The following SLC33A2 variants were observed in gnomAD, a reference collection of about 807,000 sequenced individuals.
The protein encoded by SLC33A2 is solute carrier family 33 member 2.
the SLC33A2 span, chr8:144,509,735 G>A: frequency 6.4e-7 from 1 of 1,568,334 alleles, no homozygotes. Context: ...AACTGGGGCC[G>A]GGCAATACCG....
chr8:144,510,227 C>T, the SLC33A2 span: 5 of 1,426,944 alleles, frequency 3.5e-6, no homozygotes, highest in African/African-American at 4.2e-5. Context: ...CTCGGGCTGC[C>T]CCACTTCTCC....
At chr8:144,509,376 C>T in the SLC33A2 span, 1 of 1,518,294 alleles carries the variant, frequency 6.6e-7, no homozygotes, top group Non-Finnish European at 8.8e-7. Context: ...CTACCTGGTG[C>T]AGGGCCTGCC....
the SLC33A2 span, chr8:144,509,590 G>A: frequency 2.0e-6 from 3 of 1,537,068 alleles, no homozygotes; most frequent in Non-Finnish European, 2.6e-6. Flanking sequence ...CTGCTTGCCG[G>A]GCTGCCCCCT....
At chr8:144,510,965 T>C in the SLC33A2 span, 2 of 1,599,408 alleles carry the variant, frequency 1.3e-6, no homozygotes, top group Non-Finnish European at 1.7e-6. Context: ...GGGCCTGACC[T>C]TGACCGTGAC....
the SLC33A2 span, chr8:144,510,644 G>C: frequency 6.4e-7 from 1 of 1,561,138 alleles, no homozygotes; most frequent in Middle Eastern, 1.7e-4. Flanking sequence ...CCGCCTCGGG[G>C]GCCTAGCCTG....
chr8:144,509,703 G>C, the SLC33A2 span: 3 of 1,566,754 alleles, frequency 1.9e-6, no homozygotes, highest in Non-Finnish European at 2.6e-6. Context: ...CGCGCTGGCT[G>C]TGCAGCTGCT....
chr8:144,510,746 AAG>A, the SLC33A2 span: 1 of 1,603,590 alleles, frequency 6.2e-7, no homozygotes. Context: ...CTTGAGGAGG[AAG>A]AGAGGGGCCA....
chr8:144,510,032 G>C, the SLC33A2 span: 1 of 1,586,704 alleles, frequency 6.3e-7, no homozygotes, highest in South Asian at 1.1e-5. Flanking sequence ...GAGGCCTCGA[G>C]CCAGGCAACA....
the SLC33A2 span, chr8:144,510,649 A>C: frequency 6.4e-7 from 1 of 1,561,112 alleles, no homozygotes; most frequent in African/African-American, 1.4e-5. Flanking sequence ...TCGGGGGCCT[A>C]GCCTGTCAGA....
At chr8:144,510,112 C>CT in the SLC33A2 span, 1 of 1,416,120 alleles carries the variant, frequency 7.1e-7, no homozygotes, top group Non-Finnish European at 9.5e-7. Flanking sequence ...GGGCCACGCT[C>CT]TTTCTGGGGT....
the SLC33A2 span, chr8:144,510,641 G>T: frequency 6.4e-7 from 1 of 1,561,866 alleles, no homozygotes; most frequent in Non-Finnish European, 8.7e-7. Flanking sequence ...CTTCCGCCTC[G>T]GGGGCCTAGC....
chr8:144,511,102 C>T, the SLC33A2 span: 4 of 1,610,028 alleles, frequency 2.5e-6, no homozygotes, highest in Middle Eastern at 1.6e-4. Context: ...CTTCTTGCTC[C>T]TGCTCATCCT....
chr8:144,509,824 CGCA>C, the SLC33A2 span: 1 of 1,539,362 alleles, frequency 6.5e-7, no homozygotes, highest in South Asian at 1.2e-5. Context: ...TTCTCGTGGC[CGCA>C]ACTCTTTCTG....
chr8:144,509,766 C>G, the SLC33A2 span: 1 of 1,560,194 alleles, frequency 6.4e-7, no homozygotes, highest in Non-Finnish European at 8.6e-7. Flanking sequence ...CGCGTACAAG[C>G]TGGGGGCCGC....
chr8:144,510,217 C>G, the SLC33A2 span: 2 of 1,382,180 alleles, frequency 1.4e-6, no homozygotes, highest in Admixed American at 2.1e-5. Context: ...TGAGCGCTCT[C>G]TCGGGCTGCC....
the SLC33A2 span, chr8:144,510,639 T>C: frequency 1.3e-6 from 2 of 1,562,602 alleles, no homozygotes; most frequent in Non-Finnish European, 1.7e-6. Context: ...CGCTTCCGCC[T>C]CGGGGGCCTA....
the SLC33A2 span, chr8:144,509,896 G>GGCGGCTCCCACA: frequency 6.5e-7 from 1 of 1,550,252 alleles, no homozygotes; most frequent in Non-Finnish European, 8.7e-7. Context: ...CCAGCCCTGC[G>GGCGGCTCCCACA]GCGGCTCCCA....
At chr8:144,509,789 CGCGCTGCTG>C in the SLC33A2 span, 4 of 1,551,142 alleles carry the variant, frequency 2.6e-6, no homozygotes, top group Admixed American at 1.9e-5. Context: ...TAGCTGGGGG[CGCGCTGCTG>C]GCGCTGCTGC....
chr8:144,509,247 G>C, the SLC33A2 span: 1 of 1,321,816 alleles, frequency 7.6e-7, no homozygotes, highest in African/African-American at 1.6e-5. Context: ...CCGGGGTGTG[G>C]CCTCTGACCC....
Sources: gnomAD v4.1 joint callset for allele counts on GRCh38, gnomAD v4.1.1 for gene constraint, MANE v1.5 for transcripts, NCBI Gene and HGNC (gene_info 2026-07-23, HGNC 2026-07-21) for gene names.